FRS2: variants seen among roughly 807,000 people sequenced by gnomAD.
The protein encoded by FRS2 is fibroblast growth factor receptor substrate 2, also known as FGFR signalling adaptor.
A neutral mutation model predicts 43.9 loss-of-function variants in FRS2; 8 were observed. The observed-to-expected ratio is 0.18, with a 90% CI of 0.11 to 0.33. FRS2 has a LOEUF of 0.33. FRS2 is among the 10% of genes least tolerant of loss of function. The probability of loss-of-function intolerance (pLI) is 1.00; values close to 1 mark genes in which losing one functional copy is unlikely to be tolerated. For synonymous variants in FRS2, 219 were observed against 220.3 expected (o/e 0.99, Z 0.05); for missense variants, 534 against 627.6 (o/e 0.85, Z 1.59).
intron 3 of FRS2, among the ~76,000 whole-genome samples, chr12:69,551,761 A>G (rs1322214591): frequency 6.6e-6 from 1 of 152,216 alleles, no homozygotes; most frequent in African/African-American, 2.4e-5. Context: ...CTGGAATCCT[A>G]CCACTTGATA....
chr12:69,502,070 A>G (rs1229838129), intron 1 of FRS2, among the ~76,000 whole-genome samples: 3 of 151,950 alleles, frequency 2.0e-5, no homozygotes, highest in African/African-American at 7.3e-5. Flanking sequence ...GATTTAAGCA[A>G]TTCTTCTGCC....
In FRS2 at chr12:69,556,407, A is replaced by G. The variant is rs1468856150; in HGVS notation, c.-121-5773A>G. On this transcript the variant is annotated intron_variant, in intron 3 of 8. Transcript: ENST00000549921. ...GAGTGCAATGGCGAGATCTCAGCTC[A>G]CTGCAGCCTCCACCTCCCAGGGTCA... Among the ~76,000 whole-genome samples, 4 of 151,484 alleles carry G rather than the reference A, an allele frequency of 2.6e-5. No individual in the cohort carries two copies. In the East Asian group the frequency reaches 7.8e-4, roughly 29 times the overall value.
chr12:69,554,362 A>T (rs865910590), intron 3 of FRS2, among the ~76,000 whole-genome samples: 5 of 152,132 alleles, frequency 3.3e-5, no homozygotes, highest in African/African-American at 9.7e-5. Flanking sequence ...TATGTATTTT[A>T]TGTGGAGGTA....
intron 1 of FRS2, chr12:69,491,564 A>C (rs1340276559): frequency 7.2e-6 from 1 of 138,464 alleles, no homozygotes; most frequent in East Asian, 2.1e-4. Context: ...GCAGTGTCAC[A>C]ATCATAGCTC....
At chr12:69,532,155 CTT>C (rs1410521518) in intron 3 of FRS2, 99 bp downstream of exon 3, 1 of 152,158 alleles carries the variant, frequency 6.6e-6, no homozygotes, top group Admixed American at 6.6e-5. Flanking sequence ...TATTTAATAT[CTT>C]TTCTTTATTA....
At position 69,575,530 on chromosome 12, in the gene FRS2, G is replaced by C. The variant is rs1384751510; in HGVS notation, c.*575G>C. On this transcript the variant is annotated 3_prime_UTR_variant, in exon 9 of 9. Coordinates refer to ENST00000549921, the MANE Select transcript of FRS2 (RefSeq NM_001278356.2). ...CCTTTGCCTTCAGTGTTACTAGAAAGCGGCCTGTGTCCATGAGTGTGCTTT... is the reference window on the plus strand; with the variant it reads ...CCTTTGCCTTCAGTGTTACTAGAAACCGGCCTGTGTCCATGAGTGTGCTTT... The C allele has an allele frequency of 6.5e-6, 1 of 152,754 alleles. No individual in the cohort carries two copies. The highest frequency in any genetic ancestry group is 2.4e-5 in the African/African-American group (1 of 41,438). The allele number at this position is 152,754 out of a possible 1,614,324, so 9.5% of individuals were successfully genotyped here. A position where few individuals can be genotyped will look rare whatever the true frequency, so the allele number is the denominator to read the frequency against.
intron 3 of FRS2, among the ~76,000 whole-genome samples, chr12:69,557,628 GCGCGCGCGCA>G (rs1242551296): frequency 6.8e-6 from 1 of 147,424 alleles, no homozygotes; most frequent in Non-Finnish European, 1.5e-5. Context: ...GTGCGCGCGC[GCGCGCGCGCA>G]GGTGCATGCA....
Position 69,568,985 on chromosome 12 carries a change from C to T in FRS2, c.-26-20C>T. ...TGTATCCTTCATCTAATAAATTTTT[C>T]CAAATTATTTTTCATGTAGTGCACA... On this transcript the variant is annotated intron_variant, in intron 4 of 8. Transcript: ENST00000549921. 2 of 1,283,058 alleles carry T rather than the reference C, an allele frequency of 1.6e-6. No individual in the cohort carries two copies. The highest frequency in any genetic ancestry group is 1.5e-5 in the African/African-American group (1 of 66,706). 79.5% of individuals were successfully genotyped at this position (1,283,058 alleles called of 1,614,324 possible).
In FRS2 at chr12:69,480,037, T is replaced by G. The variant is rs955493532; in HGVS notation, c.-261+9507T>G. On this transcript the variant is annotated intron_variant, in intron 1 of 8. Coordinates refer to ENST00000549921, the MANE Select transcript of FRS2 (RefSeq NM_001278356.2). ...GATACTTTTCTTGAAGTTAGCTACT[T>G]CTCTCTTCAGCTGTGTTCAACCAGT... is the stretch of plus-strand genomic sequence containing the variant. 2.6e-5 allele frequency among the ~76,000 whole-genome samples: 4 copies of G among 152,322 alleles called. No homozygotes were observed. The East Asian group carries it at 5.8e-4, about 22-fold the overall frequency.
intron 1 of FRS2, among the ~76,000 whole-genome samples, chr12:69,495,785 G>A (rs544301983): frequency 1.2e-3 from 179 of 152,122 alleles, no homozygotes; most frequent in African/African-American, 4.1e-3. Flanking sequence ...ACCTGTAGTC[G>A]TAGCTACTTG....
At chr12:69,550,517 T>A (rs774754381) in intron 3 of FRS2, among the ~76,000 whole-genome samples, 2 of 152,264 alleles carry the variant, frequency 1.3e-5, no homozygotes, top group Non-Finnish European at 2.9e-5. Flanking sequence ...TGAAAGGCTT[T>A]GTTTTTAGCA....
chr12:69,530,902 T>C lies in FRS2; in HGVS notation c.-223T>C, dbSNP rs1272662989. 1 of 152,282 alleles carries C rather than the reference T, an allele frequency of 6.6e-6. No homozygotes were observed. Among genetic ancestry groups the C allele is most frequent in the East Asian group, 1.9e-4 (1 of 5,186 alleles). The allele number at this position is 152,282 out of a possible 1,614,324, so 9.4% of individuals were successfully genotyped here. A position where few individuals can be genotyped will look rare whatever the true frequency, so the allele number is the denominator to read the frequency against. On this transcript the variant is annotated 5_prime_UTR_variant, in exon 2 of 9. An upstream open reading frame in the 5' UTR loses its in-frame stop. Coordinates refer to ENST00000549921, the MANE Select transcript of FRS2 (RefSeq NM_001278356.2). ...AGAAGTAGATGCCCAGATGCAAAAG[T>C]GATGAAACAGTCCATTTGTCATAAA...
At chr12:69,527,728 G>C (rs1876400727) in intron 1 of FRS2, among the ~76,000 whole-genome samples, 1 of 152,148 alleles carries the variant, frequency 6.6e-6, no homozygotes, top group Admixed American at 6.5e-5. Flanking sequence ...CATAGAAGTT[G>C]CTCAATAAAA....
chr12:69,562,509 A>C (rs923647197), intron 4 of FRS2, among the ~76,000 whole-genome samples: 15 of 151,984 alleles, frequency 9.9e-5, no homozygotes, highest in African/African-American at 3.6e-4. Context: ...TTGAACTGCA[A>C]CCATTTTTCT....
intron 3 of FRS2, among the ~76,000 whole-genome samples, chr12:69,551,416 G>A (rs1358795663): frequency 6.6e-6 from 1 of 152,166 alleles, no homozygotes; most frequent in Admixed American, 6.5e-5. Flanking sequence ...TGTTTTCAGA[G>A]GGATGAGCTC....
At chr12:69,536,712 A>G (rs1877354422) in intron 3 of FRS2, among the ~76,000 whole-genome samples, 1 of 151,910 alleles carries the variant, frequency 6.6e-6, no homozygotes, top group Non-Finnish European at 1.5e-5. Flanking sequence ...CTGGGACCAC[A>G]GGCATGCGCT....
chr12:69,547,694 G>A (rs986056326), intron 3 of FRS2, among the ~76,000 whole-genome samples: 3 of 151,984 alleles, frequency 2.0e-5, no homozygotes, highest in African/African-American at 4.8e-5. Context: ...GTAGTTCTTG[G>A]AATGTTCCGA....
chr12:69,534,185 GGGCTTCA>G (rs1281308750), intron 3 of FRS2, among the ~76,000 whole-genome samples: 5 of 152,150 alleles, frequency 3.3e-5, no homozygotes, highest in Admixed American at 6.5e-5. Flanking sequence ...TTGTGTATTA[GGGCTTCA>G]GGTGTTACAG....
At chr12:69,570,877 CCTAT>C (rs767654516) in intron 6 of FRS2, among the ~76,000 whole-genome samples, 3 of 152,276 alleles carry the variant, frequency 2.0e-5, no homozygotes, top group South Asian at 2.1e-4. Flanking sequence ...AATGGTAATA[CCTAT>C]CTTTTAATTA....
Sources: gnomAD v4.1 joint callset for allele counts (sites outside exome capture counted in the v4.1 genomes callset) on GRCh38, gnomAD v4.1.1 for gene constraint, MANE v1.5 for transcripts, NCBI Gene and HGNC (gene_info 2026-07-23, HGNC 2026-07-21) for gene names.